The following DMD variants were observed in gnomAD, a reference collection of about 807,000 sequenced individuals.
The protein encoded by DMD is mutant dystrophin.
A neutral mutation model predicts 330.1 loss-of-function variants in DMD; 63 were observed. The observed-to-expected ratio is 0.19, with a 90% CI of 0.16 to 0.24. The LOEUF (loss-of-function observed/expected upper bound fraction) is 0.24. Among genes scored for constraint, DMD ranks in the 10% least tolerant of loss-of-function variants. DMD has a pLI of 1.00. For missense variants in DMD, 3,344 were observed against 2,684.1 expected, an observed-to-expected ratio of 1.25 and a Z score of -5.43; for synonymous variants, 1,223 against 959.8, an observed-to-expected ratio of 1.27 and a Z score of -5.07.
chrX:32,500,432 C>T lies in DMD; in HGVS notation c.2380+1323G>A, dbSNP rs1055337418. Among the ~76,000 whole-genome samples the T allele has an allele frequency of 6.3e-5, 7 of 111,351 alleles. No homozygotes were observed. The East Asian group carries it at 8.4e-4, about 13-fold the overall frequency. ...CTTACCAAAAATTAAAAATCATTCCCGTAATTTCTAAATGTTTAAATTATT... is the reference window on the plus strand; with the variant it reads ...CTTACCAAAAATTAAAAATCATTCCTGTAATTTCTAAATGTTTAAATTATT... On this transcript the variant is annotated intron_variant, in intron 19 of 78. Coordinates refer to ENST00000357033, the MANE Select transcript of DMD (RefSeq NM_004006.3).
At chrX:32,234,913 T>C (rs1391083500) in intron 43 of DMD, among the ~76,000 whole-genome samples, 1 of 111,879 alleles carries the variant, frequency 8.9e-6, no homozygotes, top group Non-Finnish European at 1.9e-5. Flanking sequence ...CATCTTTTAA[T>C]GTTCACATGG....
intron 43 of DMD, among the ~76,000 whole-genome samples, chrX:32,255,437 C>CAA (rs11296507): frequency 2.1e-5 from 2 of 95,523 alleles, no homozygotes; most frequent in South Asian, 5.0e-4. Flanking sequence ...GTTGCTTTTG[C>CAA]AAAAAAAAAA....
intron 50 of DMD, among the ~76,000 whole-genome samples, chrX:31,807,371 A>T (rs2092323394): frequency 9.0e-6 from 1 of 111,533 alleles, no homozygotes; most frequent in Non-Finnish European, 1.9e-5. Flanking sequence ...GGTACCCTAT[A>T]GATTTTCCAG....
At chrX:32,965,512 A>G (rs1366502295) in intron 2 of DMD, among the ~76,000 whole-genome samples, 2 of 94,307 alleles carry the variant, frequency 2.1e-5, no homozygotes, top group African/African-American at 7.5e-5. Flanking sequence ...AAAAAAAAGA[A>G]GTGGGGTGGG....
At chrX:33,020,302 T>C in intron 1 of DMD, 102 bp from the exon 2 acceptor site, 3 of 556,013 alleles carry the variant, frequency 5.4e-6, no homozygotes, top group South Asian at 5.7e-5. Context: ...TAGTGTTTTT[T>C]TACATTTAGT....
In DMD at chrX:31,204,099, T is replaced by G; in HGVS notation, c.9669A>C (p.Ala3223=). 8.3e-7 allele frequency: 1 copy of G among 1,210,990 alleles called. No individual in the cohort carries two copies. Among genetic ancestry groups the G allele is most frequent in the Non-Finnish European group, 1.1e-6 (1 of 895,189 alleles). ...DKYRYLFKQV[A]SSTGFCDQRR... is the part of the protein sequence containing the mutation. ...GCTGGTCACAAAATCCTGTTGAACT[T>G]GCCACTTGCTTGAAAAGGTCTACAA... The change falls in exon 67 of 79, where the codon GCA becomes GCC. Residue 3223 remains alanine, a synonymous_variant. Transcript: ENST00000357033.
At chrX:33,156,976 C>T (rs750319640) in intron 1 of DMD, among the ~76,000 whole-genome samples, 1 of 111,688 alleles carries the variant, frequency 9.0e-6, no homozygotes, top group African/African-American at 3.3e-5. Flanking sequence ...AAAAGATACA[C>T]GAAACTGATG....
chrX:31,256,519 G>T (rs779619133), intron 63 of DMD, among the ~76,000 whole-genome samples: 1 of 110,433 alleles, frequency 9.1e-6, no homozygotes, highest in Non-Finnish European at 1.9e-5. Flanking sequence ...TTTTAGATCT[G>T]TTGGAAATAA....
chrX:32,410,989 G>C (rs1478088114), intron 30 of DMD, among the ~76,000 whole-genome samples: 1 of 111,322 alleles, frequency 9.0e-6, no homozygotes, highest in Non-Finnish European at 1.9e-5. Context: ...TAATAATTGA[G>C]GTGTAAATTT....
chrX:31,917,068 C>G (rs2094618365), intron 47 of DMD, among the ~76,000 whole-genome samples: 1 of 111,294 alleles, frequency 9.0e-6, no homozygotes, highest in African/African-American at 3.3e-5. Context: ...CTCTTGATAG[C>G]CACTCTCTAC....
intron 12 of DMD, among the ~76,000 whole-genome samples, chrX:32,612,357 A>G (rs2057244003): frequency 1.8e-5 from 2 of 111,922 alleles, no homozygotes; most frequent in African/African-American, 6.5e-5. Flanking sequence ...GAGAGAAGCC[A>G]TTGCTGTACA....
chrX:32,636,008 T>A (rs1157767870), intron 11 of DMD, among the ~76,000 whole-genome samples: 2 of 112,053 alleles, frequency 1.8e-5, no homozygotes, highest in Non-Finnish European at 3.8e-5. Flanking sequence ...AATTCTGGTA[T>A]TCCTTACTAG....
chrX:32,411,713 A>C (rs1036905190), intron 30 of DMD, 39 bp downstream of exon 30: 3 of 1,202,546 alleles, frequency 2.5e-6, no homozygotes, highest in Non-Finnish European at 3.4e-6. Context: ...TGAAGTAATA[A>C]AAACAAAAGA....
At position 31,756,411 on chromosome X, in the gene DMD, C is replaced by T. The variant is rs530198919; in HGVS notation, c.7542+17549G>A. On this transcript the variant is annotated intron_variant, in intron 51 of 78. Transcript: ENST00000357033. The stretch of plus-strand genomic sequence containing the variant: ...TACTAATTATAAACGCAGCTCAATG[C>T]AGTTTATTATGTTTCCACGTATTTA... 2.7e-5 allele frequency among the ~76,000 whole-genome samples: 3 copies of T among 112,115 alleles called. No individual in the cohort carries two copies. The East Asian group carries it at 8.4e-4, about 32-fold the overall frequency.
chrX:32,012,176 A>G (rs943071095), intron 44 of DMD, among the ~76,000 whole-genome samples: 1 of 112,291 alleles, frequency 8.9e-6, no homozygotes, highest in African/African-American at 3.2e-5. Context: ...TCTGTTTACT[A>G]GGAATATGGA....
intron 19 of DMD, among the ~76,000 whole-genome samples, chrX:32,495,162 G>C (rs927963654): frequency 8.9e-6 from 1 of 111,898 alleles, no homozygotes; most frequent in Non-Finnish European, 1.9e-5. Context: ...TGAAGGATTT[G>C]TATGCAAACA....
chrX:32,106,639 G>A (rs1157929013), intron 44 of DMD, among the ~76,000 whole-genome samples: 1 of 111,689 alleles, frequency 9.0e-6, no homozygotes, highest in African/African-American at 3.2e-5. Flanking sequence ...AGCAGGGAAT[G>A]TTCTGCTCCC....
chrX:32,099,199 T>G (rs1435293401), intron 44 of DMD, among the ~76,000 whole-genome samples: 1 of 112,038 alleles, frequency 8.9e-6, no homozygotes, highest in Non-Finnish European at 1.9e-5. Flanking sequence ...CTAACTGGTG[T>G]GAGATGGTAT....
intron 59 of DMD, among the ~76,000 whole-genome samples, chrX:31,448,398 A>G (rs180855112): frequency 8.9e-6 from 1 of 112,317 alleles, no homozygotes; most frequent in African/African-American, 3.2e-5. Context: ...AGTGCCCAGC[A>G]GCATACATAA....
Sources: gnomAD v4.1 joint callset for allele counts (sites outside exome capture counted in the v4.1 genomes callset) on GRCh38, gnomAD v4.1.1 for gene constraint, MANE v1.5 for transcripts, NCBI Gene and HGNC (gene_info 2026-07-23, HGNC 2026-07-21) for gene names.